Variants in SGK1 observed in about 807,000 individuals in gnomAD.
The protein encoded by SGK1 is serum/glucocorticoid regulated kinase 1.
In SGK1, 26 loss-of-function variants were observed where a neutral mutation model predicts 64.2. The ratio of observed to expected loss-of-function variants is 0.40; its 90% confidence interval spans 0.30 to 0.56. The LOEUF (loss-of-function observed/expected upper bound fraction) is 0.56, where lower values mean the gene tolerates loss of function less well. Ranked by LOEUF, SGK1 falls within the 20% of genes least tolerant of loss-of-function variation. The pLI is 0.38. For missense variants in SGK1, 519 were observed against 645.6 expected, an observed-to-expected ratio of 0.80 and a Z score of 2.12; for synonymous variants, 265 against 239.7, an observed-to-expected ratio of 1.11 and a Z score of -0.98.
At chr6:134,178,606 G>T (rs73560814) in intron 3 of SGK1, among the ~76,000 whole-genome samples, 1,582 of 152,262 alleles carry the variant, frequency 0.01, 21 homozygotes, top group African/African-American at 0.036. Context: ...CCCTGGTGGC[G>T]AAGTGGTCCG....
chr6:134,309,416 A>G (rs1009949540), intron 1 of SGK1, among the ~76,000 whole-genome samples: 3 of 151,948 alleles, frequency 2.0e-5, no homozygotes, highest in Non-Finnish European at 4.4e-5. Context: ...ACTTTCCCAC[A>G]TGGTCTTTTA....
intron 10 of SGK1, 120 bp downstream of exon 10, chr6:134,172,073 T>A (rs1775045649): frequency 1.8e-6 from 2 of 1,097,730 alleles, no homozygotes; most frequent in Non-Finnish European, 2.7e-6. Context: ...TTATTTGCAC[T>A]GAACTGTATT....
rs919908138 is a variant in SGK1, at chr6:134,270,708, G to A, written c.70-8560C>T. Among the ~76,000 whole-genome samples the A allele has an allele frequency of 2.0e-4, 29 of 147,894 alleles. 5 individuals are homozygous for A. Among genetic ancestry groups the A allele is most frequent in the Admixed American group, 3.4e-4 (5 of 14,592 alleles). On this transcript the variant is annotated intron_variant, in intron 1 of 13. Transcript: ENST00000367858. ...CAACCTGTGTCTCCAGGCCTAGTCC[G>A]GAGGATGGAGTGGTGGGGAGGACTC... is the stretch of plus-strand genomic sequence containing the variant.
chr6:134,231,911 A>T (rs938987731), intron 2 of SGK1, among the ~76,000 whole-genome samples: 3 of 151,078 alleles, frequency 2.0e-5, no homozygotes, highest in Non-Finnish European at 4.4e-5. Flanking sequence ...GTGGTGGCAG[A>T]AGCCTGTAAT....
chr6:134,311,451 T>C (rs1777606911), intron 1 of SGK1, among the ~76,000 whole-genome samples: 2 of 151,882 alleles, frequency 1.3e-5, no homozygotes, highest in South Asian at 4.2e-4. Context: ...GAAACCAGCC[T>C]GGCCAACATG....
At chr6:134,191,389 C>T (rs956941781) in intron 3 of SGK1, among the ~76,000 whole-genome samples, 10 of 152,180 alleles carry the variant, frequency 6.6e-5, no homozygotes, top group African/African-American at 2.4e-4. Flanking sequence ...ATCACCTCTA[C>T]TTCCCAAACC....
chr6:134,275,272 C>T (rs1233743062), intron 1 of SGK1, among the ~76,000 whole-genome samples: 1 of 151,690 alleles, frequency 6.6e-6, no homozygotes, highest in East Asian at 1.9e-4. Flanking sequence ...GTCTTAAACT[C>T]CTGGCCTCAA....
At chr6:134,281,484 A>G (rs118103940) in intron 1 of SGK1, among the ~76,000 whole-genome samples, 2 of 151,812 alleles carry the variant, frequency 1.3e-5, no homozygotes, top group Non-Finnish European at 2.9e-5. Context: ...ATTCACAGTT[A>G]GCTTTCCAAA....
intron 2 of SGK1, among the ~76,000 whole-genome samples, chr6:134,219,526 TGAGGCGAGCA>T (rs1433302809): frequency 2.6e-5 from 4 of 151,286 alleles, no homozygotes; most frequent in African/African-American, 9.7e-5. Flanking sequence ...TTTGGGAGGC[TGAGGCGAGCA>T]GATCACCTGA....
At chr6:134,198,185 C>T (rs868340610) in intron 3 of SGK1, among the ~76,000 whole-genome samples, 13 of 152,144 alleles carry the variant, frequency 8.5e-5, no homozygotes, top group Admixed American at 6.5e-5. Context: ...GTGTGTAAGA[C>T]GATTTTATTA....
At chr6:134,305,054 C>T (rs943180756) in intron 1 of SGK1, among the ~76,000 whole-genome samples, 1 of 152,062 alleles carries the variant, frequency 6.6e-6, no homozygotes, top group African/African-American at 2.4e-5. Context: ...AAGACAATGA[C>T]TTCAGAAGAG....
chr6:134,184,237 G>A (rs1416322052), intron 3 of SGK1, among the ~76,000 whole-genome samples: 62 of 152,008 alleles, frequency 4.1e-4, no homozygotes, highest in Admixed American at 3.9e-3. Context: ...AGTAGCTCAC[G>A]CCTGTAATAT....
chr6:134,207,433 T>G lies in SGK1; in HGVS notation c.286-2A>C, dbSNP rs1189609147. ...GGCATGATTACATGGCTCTCTCACC[T>G]TTAAAACATAAAGAGAAAAGAAGTG... On this transcript the variant is annotated splice_acceptor_variant, in intron 2 of 13. Coordinates refer to ENST00000367858, the MANE Select transcript of SGK1 (RefSeq NM_001143676.3). LOFTEE classifies it high-confidence loss of function. The G allele has an allele frequency of 6.2e-7, 1 of 1,603,034 alleles. No homozygotes were observed. The highest frequency in any genetic ancestry group is 1.1e-5 in the South Asian group (1 of 90,534).
chr6:134,274,564 T>C (rs752740418), intron 1 of SGK1, among the ~76,000 whole-genome samples: 5 of 152,056 alleles, frequency 3.3e-5, no homozygotes, highest in Non-Finnish European at 7.3e-5. Flanking sequence ...TGAAGCTCTT[T>C]GAGTGTGGAC....
At chr6:134,310,116 C>T (rs541615789) in intron 1 of SGK1, among the ~76,000 whole-genome samples, 3 of 150,950 alleles carry the variant, frequency 2.0e-5, no homozygotes, top group Non-Finnish European at 4.4e-5. Context: ...TTTGCTTTAC[C>T]TTGTTAAGCA....
At chr6:134,216,001 G>A (rs778457735) in intron 2 of SGK1, among the ~76,000 whole-genome samples, 5 of 152,106 alleles carry the variant, frequency 3.3e-5, no homozygotes, top group Non-Finnish European at 7.4e-5. Context: ...GGGTGACAGA[G>A]CAAGACTCCA....
At chr6:134,229,505 ATG>A (rs1776244106) in intron 2 of SGK1, among the ~76,000 whole-genome samples, 1 of 152,218 alleles carries the variant, frequency 6.6e-6, no homozygotes, top group Admixed American at 6.5e-5. Flanking sequence ...GATTGGTCAC[ATG>A]TGCTTAATGT....
intron 1 of SGK1, among the ~76,000 whole-genome samples, chr6:134,271,530 T>C (rs1386146986): frequency 2.0e-5 from 3 of 147,620 alleles, no homozygotes; most frequent in Non-Finnish European, 4.5e-5. Context: ...AACCTGGCTA[T>C]CCTGTCCGTC....
At chr6:134,262,685 C>A (rs899532678) in intron 1 of SGK1, among the ~76,000 whole-genome samples, 4 of 151,856 alleles carry the variant, frequency 2.6e-5, no homozygotes, top group Non-Finnish European at 1.5e-5. Flanking sequence ...GGTGACAGAG[C>A]AAGACTGTCT....
Sources: gnomAD v4.1 joint callset for allele counts (sites outside exome capture counted in the v4.1 genomes callset) on GRCh38, gnomAD v4.1.1 for gene constraint, MANE v1.5 for transcripts, NCBI Gene and HGNC (gene_info 2026-07-23, HGNC 2026-07-21) for gene names.